TRHR: variants seen among roughly 807,000 people sequenced by gnomAD.
TRHR encodes the protein thyrotropin releasing hormone receptor.
A neutral mutation model predicts 28.0 loss-of-function variants in TRHR; 14 were observed. The observed-to-expected ratio is 0.50, with a 90% CI of 0.33 to 0.78. The LOEUF (loss-of-function observed/expected upper bound fraction) is 0.78. Ranked by LOEUF, TRHR falls within the 30% of genes least tolerant of loss-of-function variation. TRHR has a pLI of 0.02. For missense variants in TRHR, 438 were observed against 469.5 expected (o/e 0.93, Z 0.62); for synonymous variants, 176 against 171.9 (o/e 1.02, Z -0.18).
intron 2 of TRHR, among the ~76,000 whole-genome samples, chr8:109,098,138 CTTTTTTT>C (rs375844081): frequency 5.2e-4 from 75 of 145,626 alleles, no homozygotes; most frequent in African/African-American, 1.8e-3. Flanking sequence ...TTTCTTTTTT[CTTTTTTT>C]TTTTGAGACA....
At chr8:109,089,896 A>C (rs1811496519) in intron 2 of TRHR, among the ~76,000 whole-genome samples, 1 of 152,214 alleles carries the variant, frequency 6.6e-6, no homozygotes, top group Non-Finnish European at 1.5e-5. Flanking sequence ...CATTTTTAAA[A>C]CTTGTTTGTC....
intron 2 of TRHR, among the ~76,000 whole-genome samples, chr8:109,098,261 C>A (rs1345359867): frequency 6.6e-6 from 1 of 152,000 alleles, no homozygotes; most frequent in African/African-American, 2.4e-5. Context: ...TCCTGAATAG[C>A]TGAGACTACA....
chr8:109,088,439 G>A (rs898513497), intron 2 of TRHR, 138 bp downstream of exon 2: 4 of 940,244 alleles, frequency 4.3e-6, no homozygotes, highest in Non-Finnish European at 6.4e-6. Context: ...GTAAGCTTCT[G>A]CCTAACATAT....
intron 2 of TRHR, among the ~76,000 whole-genome samples, chr8:109,099,094 T>C (rs1811638804): frequency 6.6e-6 from 1 of 152,096 alleles, no homozygotes; most frequent in Non-Finnish European, 1.5e-5. Context: ...AAAGATGTTT[T>C]TCAGGAAACA....
At chr8:109,087,132 T>C (rs1299631197) in intron 1 of TRHR, among the ~76,000 whole-genome samples, 2 of 152,042 alleles carry the variant, frequency 1.3e-5, no homozygotes, top group Non-Finnish European at 2.9e-5. Flanking sequence ...TTAGCAGATA[T>C]TTAGTTTTTT....
chr8:109,104,909 CAGG>C (rs1362653402), intron 2 of TRHR, among the ~76,000 whole-genome samples: 2 of 152,028 alleles, frequency 1.3e-5, no homozygotes, highest in African/African-American at 4.8e-5. Context: ...CGCTTGAGCC[CAGG>C]AGTTCAAGAG....
chr8:109,091,861 T>A (rs957311999), intron 2 of TRHR, among the ~76,000 whole-genome samples: 9 of 152,244 alleles, frequency 5.9e-5, no homozygotes, highest in African/African-American at 2.2e-4. Flanking sequence ...TAGTTTGTTA[T>A]TTTAATATAA....
In TRHR at chr8:109,120,445, G is replaced by C. The variant is rs1811991183; in HGVS notation, c.*990G>C. On this transcript the variant is annotated 3_prime_UTR_variant, in exon 3 of 3. Coordinates refer to ENST00000518632, the MANE Select transcript of TRHR (RefSeq NM_003301.7). ...AAAGCTTTGTTGTTATTCTAAGTCA[G>C]CCAAAATCCTGGTATCCCTCTTCCA... Among the ~76,000 whole-genome samples the C allele has an allele frequency of 6.6e-6, 1 of 151,638 alleles. No homozygotes were observed. Among genetic ancestry groups the C allele is most frequent in the Non-Finnish European group, 1.5e-5 (1 of 67,800 alleles).
At chr8:109,096,669 C>T (rs1273556746) in intron 2 of TRHR, among the ~76,000 whole-genome samples, 1 of 152,156 alleles carries the variant, frequency 6.6e-6, no homozygotes, top group Non-Finnish European at 1.5e-5. Context: ...GAATTACTTA[C>T]TTTACAAAAT....
chr8:109,095,401 G>C (rs560876951), intron 2 of TRHR, among the ~76,000 whole-genome samples: 2 of 152,208 alleles, frequency 1.3e-5, no homozygotes, highest in East Asian at 3.9e-4. Context: ...AAGAAGGAAA[G>C]TTCAACAGAA....
rs529211089 is a variant in TRHR at position 109,099,558 on chromosome 8, G to A, written c.789+11257G>A. 7.9e-5 allele frequency among the ~76,000 whole-genome samples: 12 copies of A among 152,282 alleles called. No individual in the cohort carries two copies. In the South Asian group the frequency reaches 8.3e-4, roughly 11 times the overall value. Reference sequence around the variant, plus strand: ...TGGTCTTGCCACTGGAGTCAAACACGACACTTGAGAGCTGCATGGAAGTAC... The same window carrying A: ...TGGTCTTGCCACTGGAGTCAAACACAACACTTGAGAGCTGCATGGAAGTAC... On this transcript the variant is annotated intron_variant, in intron 2 of 2. Coordinates refer to ENST00000518632, the MANE Select transcript of TRHR (RefSeq NM_003301.7).
At chr8:109,115,789 A>G (rs983344442) in intron 2 of TRHR, among the ~76,000 whole-genome samples, 39 of 152,048 alleles carry the variant, frequency 2.6e-4, no homozygotes, top group African/African-American at 8.2e-4. Flanking sequence ...CTAATTGAAT[A>G]CCCTTTATTT....
chr8:109,120,191 T>A lies in TRHR; in HGVS notation c.*736T>A, dbSNP rs5778. Among the ~76,000 whole-genome samples the A allele has an allele frequency of 2.0e-5, 3 of 151,478 alleles. No individual in the cohort carries two copies. The highest frequency in any genetic ancestry group is 7.3e-5 in the African/African-American group (3 of 41,282). ...CTCTTCCAGCCTCCCACATGATGGGTGGAAAAAGGCAAAAGCCCAGATTAA... is the reference window on the plus strand; with the variant it reads ...CTCTTCCAGCCTCCCACATGATGGGAGGAAAAAGGCAAAAGCCCAGATTAA... On this transcript the variant is annotated 3_prime_UTR_variant, in exon 3 of 3. Coordinates refer to ENST00000518632, the MANE Select transcript of TRHR (RefSeq NM_003301.7).
rs761093674 is a variant in TRHR, at chr8:109,087,731, G to A, written c.219G>A (p.Met73Ile). The stretch of plus-strand genomic sequence containing the variant: ...TGAGCCTGGCAGTAGCTGATCTCAT[G>A]GTCTTGGTGGCCGCAGGCCTCCCCA... ...YLVSLAVADL[M>I]VLVAAGLPNI... Residue 73 changes from methionine to isoleucine, a missense_variant, in exon 2 of 3, where the codon ATG becomes ATA. Met to Ile is a conservative substitution (Grantham distance 10). Transcript: ENST00000518632. 3 of 1,614,140 alleles carry A rather than the reference G, an allele frequency of 1.9e-6. No individual in the cohort carries two copies. The South Asian group carries it at 3.3e-5, about 18-fold the overall frequency.
In TRHR at chr8:109,119,557, G is replaced by C; in HGVS notation, c.*102G>C. On this transcript the variant is annotated 3_prime_UTR_variant, in exon 3 of 3. Transcript: ENST00000518632. Reference sequence around the variant, plus strand: ...AATAGTCATATGTGAAGACAGAGCAGATCAGTCTTTGTCAATGCTCTAACA... The same window carrying C: ...AATAGTCATATGTGAAGACAGAGCACATCAGTCTTTGTCAATGCTCTAACA... 2.1e-6 allele frequency: 3 copies of C among 1,409,880 alleles called. No homozygotes were observed. Among genetic ancestry groups the C allele is most frequent in the Non-Finnish European group, 2.9e-6 (3 of 1,024,358 alleles). 87.3% of individuals were successfully genotyped at this position (1,409,880 alleles called of 1,614,324 possible). A position where few individuals can be genotyped will look rare whatever the true frequency, so the allele number is the denominator to read the frequency against.
At position 109,119,105 on chromosome 8, in the gene TRHR, A is replaced by G. The variant is rs1811962873; in HGVS notation, c.847A>G (p.Arg283Gly). ...ILFALLWMPY[R>G]TLVVVNSFLS... ...GTTTGCCCTTTTATGGATGCCCTAC[A>G]GGACTCTAGTGGTTGTCAACTCATT... Residue 283 changes from arginine to glycine, a missense_variant, in exon 3 of 3, where the codon AGG becomes GGG. By Grantham distance (125) the Arg-to-Gly change is moderately radical. Coordinates refer to ENST00000518632, the MANE Select transcript of TRHR (RefSeq NM_003301.7). 6.2e-7 allele frequency: 1 copy of G among 1,612,746 alleles called. No homozygotes were observed. The highest frequency in any genetic ancestry group is 1.3e-5 in the African/African-American group (1 of 74,752).
rs747632792 is a variant in TRHR, at chr8:109,087,531, A to G, written c.19A>G (p.Ser7Gly). 3 of 1,614,116 alleles carry G rather than the reference A, an allele frequency of 1.9e-6. No homozygotes were observed. The African/African-American group carries it at 4.0e-5, about 22-fold the overall frequency. ...TCTAAAGATGGAAAACGAGACAGTC[A>G]GTGAACTGAACCAAACACAGCTTCA... Reference protein sequence around the residue: MENETVSELNQTQLQPR... With the variant: MENETVGELNQTQLQPR... The change falls in exon 2 of 3, where the codon AGT (serine) becomes GGT (glycine). Residue 7 changes from serine (S) to glycine (G), a missense_variant. By Grantham distance (56) the Ser-to-Gly change is moderately conservative. Transcript: ENST00000518632.
chr8:109,099,844 C>T (rs1811649488), intron 2 of TRHR, among the ~76,000 whole-genome samples: 1 of 152,116 alleles, frequency 6.6e-6, no homozygotes, highest in Admixed American at 6.5e-5. Flanking sequence ...CATCCTATGC[C>T]TCTCCATTCT....
intron 2 of TRHR, among the ~76,000 whole-genome samples, chr8:109,099,721 T>C (rs1811648121): frequency 6.6e-6 from 1 of 152,180 alleles, no homozygotes; most frequent in African/African-American, 2.4e-5. Flanking sequence ...ATAGATAACA[T>C]TTCAAAAAAG....
Sources: allele counts gnomAD v4.1 joint callset (sites outside exome capture counted in the v4.1 genomes callset), GRCh38; gene constraint gnomAD v4.1.1; transcripts MANE v1.5; gene names NCBI Gene and HGNC (gene_info 2026-07-23, HGNC 2026-07-21).